PLA1A: variants seen among roughly 807,000 people sequenced by gnomAD.
PLA1A encodes phospholipase A1 member A.
In PLA1A, 47 loss-of-function variants were observed where a neutral mutation model predicts 49.4. The ratio of observed to expected loss-of-function variants is 0.95; its 90% CI spans 0.75 to 1.21. The LOEUF is 1.21. Ranked by LOEUF, PLA1A falls within the 50% of genes most tolerant of loss-of-function variation. The pLI is 0.00. For missense variants in PLA1A, 561 were observed against 563.9 expected (o/e 0.99, Z 0.05); for synonymous variants, 224 against 207.9 (o/e 1.08, Z -0.67).
Position 119,606,995 on chromosome 3 carries a change from C to T in PLA1A, c.275+20C>T. The T allele has an allele frequency of 6.4e-7, 1 of 1,568,034 alleles. No individual in the cohort carries two copies. The highest frequency in any genetic ancestry group is 8.8e-7 in the Non-Finnish European group (1 of 1,137,946). On this transcript the variant is annotated intron_variant, in intron 2 of 10. Transcript: ENST00000273371. The stretch of plus-strand genomic sequence containing the variant: ...ATTCAGGTGGGAGTTAAATAACCAA[C>T]AGGACTTCTCAACTAAGAATGATCA...
At chr3:119,622,209 A>G (rs1025627935) in intron 8 of PLA1A, among the ~76,000 whole-genome samples, 1 of 33,148 alleles carries the variant, frequency 3.0e-5, no homozygotes, top group Non-Finnish European at 5.4e-5. Context: ...AAGAAGAAGA[A>G]GGAGACAGAA....
chr3:119,625,188 T>C lies in PLA1A; in HGVS notation c.1077T>C (p.Val359=), dbSNP rs1419096120. 2 of 1,613,742 alleles carry C rather than the reference T, an allele frequency of 1.2e-6. No individual in the cohort carries two copies. The highest frequency in any genetic ancestry group is 4.5e-5 in the East Asian group (2 of 44,874). ...ELRNKDTNIE[V]TFLSSNITSS... Reference sequence around the variant, plus strand: ...GAAACAAGGACACCAACATCGAGGTTACCTTCCTTAGCAGTAACATCACCT... The same window carrying C: ...GAAACAAGGACACCAACATCGAGGTCACCTTCCTTAGCAGTAACATCACCT... Residue 359 remains valine (V), a synonymous_variant, in exon 9 of 11, where the codon GTT becomes GTC. Transcript: ENST00000273371.
intron 10 of PLA1A, 136 bp downstream of exon 10, chr3:119,629,001 G>C (rs962424307): frequency 1.3e-6 from 1 of 770,182 alleles, no homozygotes; most frequent in Non-Finnish European, 2.1e-6. Context: ...ACAGACACCC[G>C]GTGTTTTCCA....
At chr3:119,617,742 CAA>C (rs11331421) in intron 6 of PLA1A, among the ~76,000 whole-genome samples, 13 of 142,154 alleles carry the variant, frequency 9.1e-5, no homozygotes, top group African/African-American at 3.4e-4. Flanking sequence ...GATTCCGTCT[CAA>C]AAAAAAAAGA....
intron 4 of PLA1A, 120 bp from the exon 5 acceptor site, chr3:119,612,897 C>A: frequency 3.2e-6 from 2 of 615,454 alleles, no homozygotes; most frequent in Middle Eastern, 2.8e-4. Context: ...ATTCTCCCAA[C>A]CCTTGGGTCT....
chr3:119,616,990 GA>G (rs1220181052), intron 6 of PLA1A, among the ~76,000 whole-genome samples: 5 of 152,334 alleles, frequency 3.3e-5, no homozygotes, highest in African/African-American at 9.6e-5. Flanking sequence ...AACCACAGGG[GA>G]AAGGAAAGTC....
intron 8 of PLA1A, among the ~76,000 whole-genome samples, chr3:119,622,261 G>A (rs2082951326): frequency 6.6e-6 from 1 of 152,126 alleles, no homozygotes; most frequent in Non-Finnish European, 1.5e-5. Context: ...GCTAGCAAAG[G>A]AAGAAGTATT....
chr3:119,605,042 A>G (rs1003186485), intron 1 of PLA1A, among the ~76,000 whole-genome samples: 1 of 152,236 alleles, frequency 6.6e-6, no homozygotes, highest in Non-Finnish European at 1.5e-5. Flanking sequence ...CCCTATATGA[A>G]CAATAGAGCA....
intron 5 of PLA1A, among the ~76,000 whole-genome samples, chr3:119,614,484 T>C (rs2082816858): frequency 6.6e-6 from 1 of 151,932 alleles, no homozygotes; most frequent in Admixed American, 6.6e-5. Flanking sequence ...TAGGCACCTG[T>C]AGTCCCAGCT....
rs1227793737 is a variant in PLA1A at position 119,618,027 on chromosome 3, T to C, written c.763T>C (p.Tyr255His). The C allele has an allele frequency of 6.2e-7, 1 of 1,611,272 alleles. No homozygotes were observed. Residue 255 changes from tyrosine (Y) to histidine (H), a missense_variant, in exon 7 of 11, where the codon TAT becomes CAT. Physicochemically the swap from Tyr to His is moderately conservative, Grantham distance 83 (BLOSUM62 2). Coordinates refer to ENST00000273371, the MANE Select transcript of PLA1A (RefSeq NM_015900.4). ...CPTFFYAGYS[Y>H]LICDHMRAVH... The stretch of plus-strand genomic sequence containing the variant: ...GTTTTTTCTCTGTTCAGGTTATAGT[T>C]ATCTGATCTGTGATCACATGAGGGC...
rs1200365043 is a variant in PLA1A at position 119,609,542 on chromosome 3, A to T, written c.528A>T (p.Gly176=). 6.2e-7 allele frequency: 1 copy of T among 1,611,516 alleles called. No homozygotes were observed. Among genetic ancestry groups the T allele is most frequent in the East Asian group, 2.2e-5 (1 of 44,830 alleles). The change falls in exon 4 of 11, where the codon GGA becomes GGT. Residue 176 remains glycine (G), a synonymous_variant. Transcript: ENST00000273371. ...GGGCCCACGTTGGGGGCATGGTGGG[A>T]CAGCTCTTCGGAGGCCAGCTGGGAC... ...SLGAHVGGMV[G]QLFGGQLGQI...
intron 1 of PLA1A, among the ~76,000 whole-genome samples, chr3:119,603,731 C>T (rs2082647908): frequency 6.6e-6 from 1 of 152,234 alleles, no homozygotes; most frequent in Non-Finnish European, 1.5e-5. Context: ...CTGCAAGTGG[C>T]TCAGGGCTCC....
chr3:119,600,145 G>C, intron 1 of PLA1A: 1 of 512,756 alleles, frequency 2.0e-6, no homozygotes, highest in African/African-American at 1.9e-5. Context: ...GAGGGAGGAG[G>C]TTCAGGAGGT....
chr3:119,611,319 T>A (rs1439600512), intron 4 of PLA1A, among the ~76,000 whole-genome samples: 2 of 152,234 alleles, frequency 1.3e-5, no homozygotes, highest in African/African-American at 2.4e-5. Context: ...TTGTGCCATA[T>A]GAATTTTAGA....
intron 3 of PLA1A, 84 bp from the exon 4 acceptor site, chr3:119,609,384 T>G (rs2082734882): frequency 1.1e-6 from 1 of 871,904 alleles, no homozygotes; most frequent in Non-Finnish European, 2.0e-6. Flanking sequence ...GGCCTCGGCT[T>G]CTGAAGCTTT....
intron 7 of PLA1A, 63 bp downstream of exon 7, chr3:119,618,249 C>T: frequency 7.2e-7 from 1 of 1,387,936 alleles, no homozygotes; most frequent in Non-Finnish European, 1.0e-6. Context: ...TGCTAGTTGT[C>T]CCCTCTTAAT....
chr3:119,617,730 G>C (rs2082867766), intron 6 of PLA1A, among the ~76,000 whole-genome samples: 1 of 142,484 alleles, frequency 7.0e-6, no homozygotes, highest in African/African-American at 2.6e-5. Flanking sequence ...GTGACAGAGT[G>C]AGATTCCGTC....
Position 119,619,645 on chromosome 3 carries a change from G to T in PLA1A, c.1005G>T (p.Pro335=). The T allele has an allele frequency of 6.2e-7, 1 of 1,605,318 alleles. No individual in the cohort carries two copies. Among genetic ancestry groups the T allele is most frequent in the Non-Finnish European group, 8.5e-7 (1 of 1,172,012 alleles). ...KVYLLTTSSA[P]YCMHHSLVEF... The stretch of plus-strand genomic sequence containing the variant: ...ACCTCCTGACTACTTCCAGTGCTCC[G>T]TACTGCAGTGAGTAGGGGGAAATGC... The change falls in exon 8 of 11, where the codon CCG becomes CCT. Residue 335 remains proline, a synonymous_variant. Transcript: ENST00000273371.
At chr3:119,609,111 G>A (rs1355649319) in intron 3 of PLA1A, among the ~76,000 whole-genome samples, 164 bp downstream of exon 3, 4 of 152,040 alleles carry the variant, frequency 2.6e-5, no homozygotes, top group African/African-American at 4.8e-5. Flanking sequence ...CACTGACCTC[G>A]GGCAGCTTAT....
Sources: gnomAD v4.1 joint callset for allele counts (sites outside exome capture counted in the v4.1 genomes callset) on GRCh38, gnomAD v4.1.1 for gene constraint, MANE v1.5 for transcripts, NCBI Gene and HGNC (gene_info 2026-07-23, HGNC 2026-07-21) for gene names.